The following MECOM variants were observed in gnomAD, a reference collection of about 807,000 sequenced individuals.
MECOM encodes MDS1 and EVI1 complex locus.
A neutral mutation model predicts 116.3 loss-of-function variants in MECOM; 13 were observed. The ratio of observed to expected loss-of-function variants is 0.11; its 90% CI spans 0.07 to 0.18. The LOEUF is 0.18. MECOM is among the 10% of genes least tolerant of loss of function. MECOM has a pLI of 1.00. For missense variants in MECOM, 1,299 were observed against 1,509.0 expected (o/e 0.86, Z 2.31); for synonymous variants, 528 against 535.2 (o/e 0.99, Z 0.19).
At chr3:169,380,832 A>G (rs1182264542) in intron 2 of MECOM, among the ~76,000 whole-genome samples, 1 of 152,182 alleles carries the variant, frequency 6.6e-6, no homozygotes, top group East Asian at 1.9e-4. Flanking sequence ...AAAAAGATAA[A>G]ATGCAATAAA....
intron 2 of MECOM, among the ~76,000 whole-genome samples, chr3:169,176,964 CAAT>C (rs1279423181): frequency 6.6e-6 from 1 of 152,006 alleles, no homozygotes; most frequent in Non-Finnish European, 1.5e-5. Context: ...AGTCAAGAAA[CAAT>C]AGATGCTGGT....
At chr3:169,255,635 T>C (rs923985630) in intron 2 of MECOM, among the ~76,000 whole-genome samples, 3 of 152,216 alleles carry the variant, frequency 2.0e-5, no homozygotes, top group Admixed American at 6.5e-5. Flanking sequence ...CAGCACAGAC[T>C]TTATTGGTCA....
intron 1 of MECOM, among the ~76,000 whole-genome samples, chr3:169,445,350 A>T (rs1744443161): frequency 1.3e-5 from 2 of 152,310 alleles, no homozygotes; most frequent in Non-Finnish European, 2.9e-5. Flanking sequence ...CACTCCAGCC[A>T]TGGCTGAAAG....
At chr3:169,421,059 T>G (rs1739642868) in intron 1 of MECOM, among the ~76,000 whole-genome samples, 1 of 152,078 alleles carries the variant, frequency 6.6e-6, no homozygotes, top group Non-Finnish European at 1.5e-5. Context: ...ATGAAGTCAC[T>G]GCAGTCATGA....
chr3:169,516,824 C>G (rs1346319404), intron 1 of MECOM, among the ~76,000 whole-genome samples: 1 of 152,148 alleles, frequency 6.6e-6, no homozygotes, highest in African/African-American at 2.4e-5. Context: ...AGGGCAGACC[C>G]ACAGAGGAAA....
chr3:169,591,698 A>G (rs1291650402), intron 1 of MECOM, among the ~76,000 whole-genome samples: 1 of 152,172 alleles, frequency 6.6e-6, no homozygotes, highest in Non-Finnish European at 1.5e-5. Flanking sequence ...TTGAGAGACA[A>G]TCTCATACTA....
At chr3:169,370,204 G>A (rs998143472) in intron 2 of MECOM, among the ~76,000 whole-genome samples, 8 of 151,874 alleles carry the variant, frequency 5.3e-5, no homozygotes, top group Admixed American at 3.9e-4. Flanking sequence ...ATAGAAAGCC[G>A]AGAAACAAAG....
intron 2 of MECOM, among the ~76,000 whole-genome samples, chr3:169,299,875 G>A (rs1716381215): frequency 1.3e-5 from 2 of 152,084 alleles, no homozygotes. Context: ...TTTACAAATA[G>A]GCTGGAGAGA....
chr3:169,178,456 G>A (rs1278539884), intron 2 of MECOM, among the ~76,000 whole-genome samples: 3 of 152,188 alleles, frequency 2.0e-5, no homozygotes, highest in Non-Finnish European at 4.4e-5. Context: ...GTTTCTCAGA[G>A]TCCATCCTAC....
At chr3:169,381,920 A>C (rs1732451833) in intron 1 of MECOM, among the ~76,000 whole-genome samples, 1 of 152,222 alleles carries the variant, frequency 6.6e-6, no homozygotes, top group Non-Finnish European at 1.5e-5. Context: ...ATATATTAGA[A>C]AGTTTTGTCA....
chr3:169,515,455 T>G (rs1431082694), intron 1 of MECOM, among the ~76,000 whole-genome samples: 2 of 152,176 alleles, frequency 1.3e-5, no homozygotes, highest in Admixed American at 6.5e-5. Context: ...GGGAGATAAT[T>G]AAAGCTAATC....
chr3:169,170,293 G>C (rs551175766), intron 2 of MECOM, among the ~76,000 whole-genome samples: 1 of 150,634 alleles, frequency 6.6e-6, no homozygotes, highest in African/African-American at 2.4e-5. Context: ...TGTAGTCCCA[G>C]CTACTTGGGA....
intron 1 of MECOM, among the ~76,000 whole-genome samples, chr3:169,554,346 A>T (rs926895037): frequency 6.6e-6 from 1 of 152,218 alleles, no homozygotes; most frequent in Admixed American, 6.5e-5. Context: ...GTTCGCCTAC[A>T]TTAAACAACA....
chr3:169,105,063 C>G (rs188677568), intron 10 of MECOM, among the ~76,000 whole-genome samples: 1 of 152,016 alleles, frequency 6.6e-6, no homozygotes, highest in East Asian at 1.9e-4. Context: ...CGATGGGAAG[C>G]GAGCTGAGGG....
At chr3:169,394,701 T>C (rs1376938032) in intron 1 of MECOM, among the ~76,000 whole-genome samples, 1 of 152,184 alleles carries the variant, frequency 6.6e-6, no homozygotes, top group Non-Finnish European at 1.5e-5. Flanking sequence ...CCATAGGAGA[T>C]GCTTAACATG....
intron 1 of MECOM, among the ~76,000 whole-genome samples, chr3:169,423,642 C>G (rs1398444988): frequency 1.3e-5 from 2 of 152,036 alleles, no homozygotes; most frequent in Non-Finnish European, 2.9e-5. Context: ...AATTTTTTAG[C>G]ATTTTCCTAA....
intron 2 of MECOM, among the ~76,000 whole-genome samples, chr3:169,247,243 A>G (rs544443669): frequency 4.6e-5 from 7 of 152,304 alleles, no homozygotes; most frequent in South Asian, 2.1e-4. Flanking sequence ...TATGAAAAAT[A>G]TAGAATAAAA....
intron 1 of MECOM, among the ~76,000 whole-genome samples, chr3:169,479,407 A>C (rs1750953222): frequency 6.6e-6 from 1 of 151,972 alleles, no homozygotes; most frequent in Non-Finnish European, 1.5e-5. Context: ...GGTGGAGGAA[A>C]GAATGAAGCC....
At chr3:169,371,518 C>CACAT (rs1730127508) in intron 2 of MECOM, among the ~76,000 whole-genome samples, 1 of 151,190 alleles carries the variant, frequency 6.6e-6, no homozygotes, top group African/African-American at 2.4e-5. Flanking sequence ...TTTCACTACA[C>CACAT]ACACACACAC....
Sources: gnomAD v4.1 joint callset for allele counts (sites outside exome capture counted in the v4.1 genomes callset) on GRCh38, gnomAD v4.1.1 for gene constraint, MANE v1.5 for transcripts, NCBI Gene and HGNC (gene_info 2026-07-23, HGNC 2026-07-21) for gene names.